ADGRL3: variants seen among roughly 807,000 people sequenced by gnomAD.
ADGRL3 encodes the protein calcium-independent alpha-latrotoxin receptor 3.
In ADGRL3, 62 loss-of-function variants were observed where a neutral mutation model predicts 153.5. The ratio of observed to expected loss-of-function variants is 0.40; its 90% CI spans 0.33 to 0.50. ADGRL3 has a LOEUF of 0.50. Among genes scored for constraint, ADGRL3 ranks in the 20% least tolerant of loss-of-function variants. The probability of loss-of-function intolerance (pLI) is 0.47; values close to 1 mark genes in which losing one functional copy is unlikely to be tolerated. For synonymous variants in ADGRL3, 710 were observed against 672.5 expected, an observed-to-expected ratio of 1.06 and a Z score of -0.86; for missense variants, 1,641 against 1,859.4, an observed-to-expected ratio of 0.88 and a Z score of 2.16.
intron 1 of ADGRL3, among the ~76,000 whole-genome samples, chr4:61,340,824 GTT>G (rs1375478185): frequency 9.3e-5 from 14 of 150,376 alleles, no homozygotes; most frequent in African/African-American, 3.4e-4. Flanking sequence ...ATGTGTGTGT[GTT>G]TGTGTATATA....
intron 1 of ADGRL3, among the ~76,000 whole-genome samples, chr4:61,216,955 T>C (rs1374262164): frequency 1.3e-5 from 2 of 152,244 alleles, no homozygotes; most frequent in African/African-American, 4.8e-5. Flanking sequence ...ATCAATTTGT[T>C]GTTGAAGCTG....
intron 21 of ADGRL3, among the ~76,000 whole-genome samples, chr4:62,020,957 A>G (rs2099235135): frequency 6.6e-6 from 1 of 152,108 alleles, no homozygotes; most frequent in African/African-American, 2.4e-5. Flanking sequence ...TTAAACTAAT[A>G]ATCTAAAAGA....
rs1272085021 is a variant in ADGRL3, at chr4:62,075,626, T to C, written c.*4718T>C. On this transcript the variant is annotated 3_prime_UTR_variant, in exon 27 of 27. Transcript: ENST00000683033. ...TAACTTACCACATAAACAATTACTA[T>C]GCATTTCTAAGTAACGTTTTCAATA... is the stretch of plus-strand genomic sequence containing the variant. 2 of 152,182 alleles carry C rather than the reference T, an allele frequency of 1.3e-5. No homozygotes were observed. The highest frequency in any genetic ancestry group is 2.4e-5 in the African/African-American group (1 of 41,460). The allele number at this position is 152,182 out of a possible 1,614,324, so 9.4% of individuals were successfully genotyped here.
intron 1 of ADGRL3, among the ~76,000 whole-genome samples, chr4:61,262,058 G>A (rs1459544497): frequency 6.6e-6 from 1 of 152,050 alleles, no homozygotes; most frequent in African/African-American, 2.4e-5. Context: ...GTTTATTTTT[G>A]AGCACAATTC....
chr4:61,347,331 C>T (rs191609364), intron 1 of ADGRL3, among the ~76,000 whole-genome samples: 60 of 151,272 alleles, frequency 4.0e-4, no homozygotes, highest in Non-Finnish European at 7.4e-4. Flanking sequence ...CGACTAAGTT[C>T]CTAGAGCTAT....
chr4:61,732,775 T>C lies in ADGRL3; in HGVS notation c.620T>C (p.Leu207Pro). The change falls in exon 8 of 27, where the codon CTA becomes CCA. Residue 207 changes from leucine to proline, a missense_variant. This residue lies in a region of ADGRL3 where 213 missense variants were observed against 362.1 expected (regional missense o/e 0.59). Coordinates refer to ENST00000683033, the MANE Select transcript of ADGRL3 (RefSeq NM_001387552.1). ...ACAGTTTTTCTTTGTCCTGGACTAC[T>C]AAAAGGAGTATACCAGAGTGAACAT... The part of the protein sequence containing the change: ...EQKVFLCPGL[L>P]KGVYQSEHLF... 1 of 1,575,816 alleles carries C rather than the reference T, an allele frequency of 6.3e-7. No individual in the cohort carries two copies. The highest frequency in any genetic ancestry group is 8.6e-7 in the Non-Finnish European group (1 of 1,160,406).
At chr4:61,322,662 C>T (rs2095383490) in intron 1 of ADGRL3, among the ~76,000 whole-genome samples, 1 of 152,232 alleles carries the variant, frequency 6.6e-6, no homozygotes, top group South Asian at 2.1e-4. Context: ...TCTCCTTTGA[C>T]TCCATGTCTT....
chr4:61,951,854 G>C (rs2098948427), intron 17 of ADGRL3, among the ~76,000 whole-genome samples: 1 of 152,112 alleles, frequency 6.6e-6, no homozygotes, highest in Non-Finnish European at 1.5e-5. Context: ...GACCAAGCAA[G>C]ACTGTGTCAC....
intron 8 of ADGRL3, among the ~76,000 whole-genome samples, chr4:61,774,066 C>A (rs2097116820): frequency 6.6e-6 from 1 of 152,090 alleles, no homozygotes; most frequent in Non-Finnish European, 1.5e-5. Flanking sequence ...CAAAAATATT[C>A]AGGAAACAGG....
At chr4:61,969,258 A>C (rs1186270742) in intron 17 of ADGRL3, among the ~76,000 whole-genome samples, 4 of 152,128 alleles carry the variant, frequency 2.6e-5, no homozygotes, top group Admixed American at 2.6e-4. Context: ...AGCTAATTTA[A>C]CAACTGCCAT....
At chr4:61,301,859 G>C (rs185006408) in intron 1 of ADGRL3, among the ~76,000 whole-genome samples, 13 of 152,154 alleles carry the variant, frequency 8.5e-5, no homozygotes, top group African/African-American at 2.9e-4. Context: ...TATTTCAGTG[G>C]TGAATTTTAG....
intron 13 of ADGRL3, 54 bp downstream of exon 13, chr4:61,912,811 T>A: frequency 2.1e-6 from 3 of 1,462,512 alleles, no homozygotes; most frequent in Non-Finnish European, 2.9e-6. Context: ...TCTGTTGTGA[T>A]GGCATGAATG....
At chr4:62,040,531 G>A (rs1406621926) in intron 24 of ADGRL3, among the ~76,000 whole-genome samples, 1 of 151,976 alleles carries the variant, frequency 6.6e-6, no homozygotes, top group South Asian at 2.1e-4. Context: ...AAAATTTGGG[G>A]AGTATGGATG....
chr4:62,014,733 G>A (rs1210883046), intron 21 of ADGRL3, among the ~76,000 whole-genome samples: 1 of 152,148 alleles, frequency 6.6e-6, no homozygotes, highest in Non-Finnish European at 1.5e-5. Flanking sequence ...CGTAAAAGGA[G>A]TCTGTAAAAT....
Position 62,071,832 on chromosome 4 carries a change from T to G in ADGRL3, c.*924T>G, listed in dbSNP as rs750444754. ...TCACTTTATAAGAATCATTTTCTAG[T>G]AATGCAAACAAATTATTTTTTACAA... On this transcript the variant is annotated 3_prime_UTR_variant, in exon 27 of 27. Transcript: ENST00000683033. 33 of 352,238 alleles carry G rather than the reference T, an allele frequency of 9.4e-5. No individual in the cohort carries two copies. Among genetic ancestry groups the G allele is most frequent in the South Asian group, 7.3e-4 (33 of 45,384 alleles). 21.8% of individuals were successfully genotyped at this position (352,238 alleles called of 1,614,324 possible).
intron 4 of ADGRL3, among the ~76,000 whole-genome samples, chr4:61,559,176 G>A (rs1279419008): frequency 6.6e-6 from 1 of 151,972 alleles, no homozygotes; most frequent in Non-Finnish European, 1.5e-5. Context: ...CCCATAATAA[G>A]CACCTGGCAA....
At chr4:61,691,507 G>A (rs1005585760) in intron 6 of ADGRL3, among the ~76,000 whole-genome samples, 1 of 152,096 alleles carries the variant, frequency 6.6e-6, no homozygotes, top group African/African-American at 2.4e-5. Context: ...TGAATGTGAT[G>A]CTTTTGAAAA....
intron 8 of ADGRL3, among the ~76,000 whole-genome samples, chr4:61,759,592 T>G (rs1027519562): frequency 1.3e-5 from 2 of 152,110 alleles, no homozygotes; most frequent in Non-Finnish European, 2.9e-5. Flanking sequence ...TTCAAGGTTT[T>G]TAATTTCTTT....
chr4:61,901,742 G>A lies in ADGRL3; in HGVS notation c.1887+5908G>A, dbSNP rs558366794. Among the ~76,000 whole-genome samples the A allele has an allele frequency of 3.3e-5, 5 of 152,134 alleles. No homozygotes were observed. In the South Asian group the frequency reaches 1.0e-3, roughly 32 times the overall value. On this transcript the variant is annotated intron_variant, in intron 11 of 26. Coordinates refer to ENST00000683033, the MANE Select transcript of ADGRL3 (RefSeq NM_001387552.1). Reference sequence around the variant, plus strand: ...GAATTTTAAAAAATTGTTTTGACTTGTATCAAAACTTAACATGTTATCTGT... The same window carrying A: ...GAATTTTAAAAAATTGTTTTGACTTATATCAAAACTTAACATGTTATCTGT...
Sources: gnomAD v4.1 joint callset for allele counts (sites outside exome capture counted in the v4.1 genomes callset) on GRCh38, gnomAD v4.1.1 for gene constraint, gnomAD v4.1.1 regional missense constraint, MANE v1.5 for transcripts, NCBI Gene and HGNC (gene_info 2026-07-23, HGNC 2026-07-21) for gene names.